PPP3CA: variants seen among roughly 807,000 people sequenced by gnomAD.
PPP3CA encodes protein phosphatase 3 catalytic subunit alpha.
A neutral mutation model predicts 66.5 loss-of-function variants in PPP3CA; 14 were observed. The observed-to-expected ratio is 0.21, with a 90% CI of 0.14 to 0.33. The LOEUF (loss-of-function observed/expected upper bound fraction) is 0.33. Among genes scored for constraint, PPP3CA ranks in the 10% least tolerant of loss-of-function variants. PPP3CA has a pLI of 1.00. For synonymous variants in PPP3CA, 232 were observed against 226.2 expected (o/e 1.03, Z -0.23); for missense variants, 317 against 639.5 (o/e 0.50, Z 5.44).
intron 2 of PPP3CA, among the ~76,000 whole-genome samples, chr4:101,135,638 T>C (rs1722598168): frequency 6.6e-6 from 1 of 151,962 alleles, no homozygotes; most frequent in African/African-American, 2.4e-5. Context: ...AGCAAATGAG[T>C]GAAAGTTAAA....
At chr4:101,121,154 T>A (rs1210376038) in intron 2 of PPP3CA, among the ~76,000 whole-genome samples, 1 of 152,118 alleles carries the variant, frequency 6.6e-6, no homozygotes, top group Non-Finnish European at 1.5e-5. Flanking sequence ...GTTGTTTATA[T>A]ACTAGAATTG....
At chr4:101,307,329 GA>G (rs1419560905) in intron 1 of PPP3CA, among the ~76,000 whole-genome samples, 1 of 152,076 alleles carries the variant, frequency 6.6e-6, no homozygotes, top group Non-Finnish European at 1.5e-5. Context: ...CTGAAACACA[GA>G]ATGTGTTGAA....
At chr4:101,287,869 A>T (rs1416418394) in intron 1 of PPP3CA, among the ~76,000 whole-genome samples, 1 of 152,024 alleles carries the variant, frequency 6.6e-6, no homozygotes, top group African/African-American at 2.4e-5. Flanking sequence ...AAGGCTGGTA[A>T]CTTAAGTTCT....
chr4:101,298,957 TGCGAA>T (rs1431244634), intron 1 of PPP3CA, among the ~76,000 whole-genome samples: 3 of 151,892 alleles, frequency 2.0e-5, no homozygotes, highest in African/African-American at 7.3e-5. Context: ...TTTGTCATTG[TGCGAA>T]CATTAGAGTG....
intron 11 of PPP3CA, 82 bp from the exon 12 acceptor site, chr4:101,032,446 CAT>C (rs1424472879): frequency 3.5e-6 from 4 of 1,138,362 alleles, no homozygotes; most frequent in Non-Finnish European, 5.2e-6. Flanking sequence ...AAAAAAAATG[CAT>C]ATAAGCACCC....
At chr4:101,142,469 ATATC>A (rs1401352588) in intron 2 of PPP3CA, among the ~76,000 whole-genome samples, 1 of 152,208 alleles carries the variant, frequency 6.6e-6, no homozygotes, top group African/African-American at 2.4e-5. Flanking sequence ...AATAATGATA[ATATC>A]TATCAATCAC....
At chr4:101,065,489 A>G (rs371596981) in intron 8 of PPP3CA, among the ~76,000 whole-genome samples, 3 of 152,132 alleles carry the variant, frequency 2.0e-5, no homozygotes, top group East Asian at 1.9e-4. Context: ...GGAAACAGAC[A>G]GGCTTTATAT....
At chr4:101,062,843 T>C (rs1019707148) in intron 9 of PPP3CA, among the ~76,000 whole-genome samples, 8 of 152,022 alleles carry the variant, frequency 5.3e-5, no homozygotes, top group African/African-American at 1.9e-4. Context: ...GCTATCCTAA[T>C]CTTTTAATTT....
chr4:101,235,292 T>A (rs932869621), intron 1 of PPP3CA, among the ~76,000 whole-genome samples: 3 of 151,942 alleles, frequency 2.0e-5, no homozygotes, highest in South Asian at 2.1e-4. Flanking sequence ...TTTTAAGGCA[T>A]CTCATTTGGG....
chr4:101,063,930 T>C (rs890070833), intron 8 of PPP3CA, among the ~76,000 whole-genome samples: 1 of 152,006 alleles, frequency 6.6e-6, no homozygotes, highest in Non-Finnish European at 1.5e-5. Flanking sequence ...GGTAATTAGC[T>C]ATACATTAAA....
chr4:101,097,776 CT>C, intron 5 of PPP3CA, among the ~76,000 whole-genome samples: 1 of 152,222 alleles, frequency 6.6e-6, no homozygotes, highest in South Asian at 2.1e-4. Flanking sequence ...TGTAACTCAT[CT>C]TTTTGCTGGT....
Position 101,288,279 on chromosome 4 carries a change from A to G in PPP3CA, c.58+58460T>C, listed in dbSNP as rs117711749. ...ACCAAAGTGAATGAATTGGTGTTGT[A>G]GAGTCACAGGTGAAGGACATTAATC... On this transcript the variant is annotated intron_variant, in intron 1 of 13. Transcript: ENST00000394854. 4.0e-3 allele frequency among the ~76,000 whole-genome samples: 603 copies of G among 152,340 alleles called. 4 individuals are homozygous for G. The highest frequency in any genetic ancestry group is 0.02 in the Middle Eastern group (6 of 294).
intron 1 of PPP3CA, among the ~76,000 whole-genome samples, chr4:101,234,780 C>A (rs559360207): frequency 6.6e-6 from 1 of 151,636 alleles, no homozygotes; most frequent in African/African-American, 2.4e-5. Context: ...AAGTAAAAGA[C>A]GTACAAAAAT....
intron 1 of PPP3CA, among the ~76,000 whole-genome samples, chr4:101,343,699 C>A (rs1029455440): frequency 6.6e-6 from 1 of 152,140 alleles, no homozygotes; most frequent in Non-Finnish European, 1.5e-5. Context: ...CTTTTCATCT[C>A]CACTGCCATC....
chr4:101,226,532 AC>A (rs1233870884), intron 1 of PPP3CA, among the ~76,000 whole-genome samples: 2 of 151,730 alleles, frequency 1.3e-5, no homozygotes, highest in Non-Finnish European at 2.9e-5. Flanking sequence ...TGTCAAAAAA[AC>A]GAAAAAAGTT....
At chr4:101,256,687 T>C (rs139583485) in intron 1 of PPP3CA, among the ~76,000 whole-genome samples, 252 of 152,134 alleles carry the variant, frequency 1.7e-3, no homozygotes, top group African/African-American at 5.9e-3. Context: ...AGACCTAATA[T>C]GAAACAGCTT....
chr4:101,050,493 C>T (rs928406682), intron 10 of PPP3CA, among the ~76,000 whole-genome samples: 1 of 152,174 alleles, frequency 6.6e-6, no homozygotes, highest in Non-Finnish European at 1.5e-5. Flanking sequence ...CTCTTTAAGG[C>T]TCACTTTCCT....
intron 2 of PPP3CA, among the ~76,000 whole-genome samples, chr4:101,195,312 GC>G (rs1045615869): frequency 6.6e-6 from 1 of 151,802 alleles, no homozygotes; most frequent in Non-Finnish European, 1.5e-5. Flanking sequence ...AATGCTACGG[GC>G]AAAAGAGAAA....
intron 2 of PPP3CA, among the ~76,000 whole-genome samples, chr4:101,123,836 CAAGTTCTTAAG>C (rs1722112251): frequency 6.6e-6 from 1 of 152,128 alleles, no homozygotes; most frequent in Admixed American, 6.5e-5. Flanking sequence ...ATCTAAGCCT[CAAGTTCTTAAG>C]AATAAGGACA....
Sources: gnomAD v4.1 joint callset for allele counts (sites outside exome capture counted in the v4.1 genomes callset) on GRCh38, gnomAD v4.1.1 for gene constraint, MANE v1.5 for transcripts, NCBI Gene and HGNC (gene_info 2026-07-23, HGNC 2026-07-21) for gene names.